Variants in RBFOX1 observed in about 807,000 individuals in gnomAD.
RBFOX1 encodes the protein RNA binding protein fox-1 homolog 1.
Under a neutral mutation model 57.7 loss-of-function variants are expected in RBFOX1, and 8 were observed. The ratio of observed to expected loss-of-function variants is 0.14; its 90% CI spans 0.08 to 0.25. The LOEUF is 0.25. Ranked by LOEUF, RBFOX1 falls within the 10% of genes least tolerant of loss-of-function variation. The pLI is 1.00. For synonymous variants in RBFOX1, 326 were observed against 222.4 expected (o/e 1.47, Z -4.15); for missense variants, 611 against 548.5 (o/e 1.11, Z -1.14).
At chr16:6,118,793 CT>C (rs1047167662) in intron 1 of RBFOX1, among the ~76,000 whole-genome samples, 6 of 147,002 alleles carry the variant, frequency 4.1e-5, no homozygotes, top group African/African-American at 1.6e-4. Context: ...CTCTTTCTCT[CT>C]CTCCTTCCTT....
intron 4 of RBFOX1, among the ~76,000 whole-genome samples, chr16:7,444,695 C>A (rs2098795072): frequency 6.6e-6 from 1 of 152,078 alleles, no homozygotes; most frequent in Admixed American, 6.5e-5. Flanking sequence ...CCACACCTGG[C>A]TAATTTTTAC....
intron 1 of RBFOX1, among the ~76,000 whole-genome samples, chr16:6,155,676 G>A (rs745422458): frequency 6.6e-6 from 1 of 152,112 alleles, no homozygotes; most frequent in Non-Finnish European, 1.5e-5. Context: ...TCTTAACTCC[G>A]AGTACAATGA....
intron 4 of RBFOX1, among the ~76,000 whole-genome samples, chr16:7,356,022 A>C (rs533269768): frequency 6.6e-6 from 1 of 152,226 alleles, no homozygotes; most frequent in African/African-American, 2.4e-5. Context: ...GGTTTGAAAA[A>C]TGAAGAAGCA....
intron 3 of RBFOX1, among the ~76,000 whole-genome samples, chr16:5,780,528 G>C (rs1319119306): frequency 6.6e-6 from 1 of 152,008 alleles, no homozygotes; most frequent in Non-Finnish European, 1.5e-5. Context: ...GTGTGTATTT[G>C]TCAATTTAAA....
At chr16:6,331,666 C>T (rs1160483077) in intron 2 of RBFOX1, among the ~76,000 whole-genome samples, 1 of 150,552 alleles carries the variant, frequency 6.6e-6, no homozygotes, top group Non-Finnish European at 1.5e-5. Flanking sequence ...TTCAGTGTTG[C>T]ATAAATCTCA....
chr16:6,875,920 C>T (rs987749187), intron 3 of RBFOX1, among the ~76,000 whole-genome samples: 8 of 152,094 alleles, frequency 5.3e-5, no homozygotes, highest in Non-Finnish European at 7.4e-5. Context: ...ATCACTTGAG[C>T]CGGGGAGGTG....
intron 3 of RBFOX1, among the ~76,000 whole-genome samples, chr16:6,898,115 A>G (rs1469094390): frequency 1.3e-5 from 2 of 152,222 alleles, no homozygotes; most frequent in Admixed American, 6.5e-5. Context: ...ATTCCACACC[A>G]TATTCAGGAC....
chr16:6,998,447 C>A (rs2092457754), intron 3 of RBFOX1, among the ~76,000 whole-genome samples: 1 of 152,046 alleles, frequency 6.6e-6, no homozygotes, highest in Non-Finnish European at 1.5e-5. Context: ...GGGATGGGGG[C>A]AGTTGTGTTA....
At chr16:6,020,325 C>T (rs2095044787) in intron 1 of RBFOX1, among the ~76,000 whole-genome samples, 1 of 152,106 alleles carries the variant, frequency 6.6e-6, no homozygotes, top group South Asian at 2.1e-4. Flanking sequence ...GGGAGCCTGC[C>T]TGCGCACTTT....
chr16:6,885,463 G>A (rs2153354753), intron 3 of RBFOX1, among the ~76,000 whole-genome samples: 1 of 152,308 alleles, frequency 6.6e-6, no homozygotes, highest in East Asian at 1.9e-4. Context: ...TCGTAACAGT[G>A]ATTCCTGGAG....
chr16:5,942,418 G>C (rs530202597), intron 4 of RBFOX1, among the ~76,000 whole-genome samples: 2 of 152,270 alleles, frequency 1.3e-5, no homozygotes, highest in East Asian at 3.9e-4. Flanking sequence ...GAATCATTTG[G>C]TTGTCAGAAA....
intron 3 of RBFOX1, among the ~76,000 whole-genome samples, chr16:6,861,822 G>GGT (rs1555540803): frequency 4.6e-5 from 3 of 65,562 alleles, no homozygotes; most frequent in Non-Finnish European, 8.3e-5. Flanking sequence ...AGCGTCCCTT[G>GGT]GTTTTTTTTT....
At chr16:6,877,347 G>T (rs963656041) in intron 3 of RBFOX1, among the ~76,000 whole-genome samples, 4 of 152,080 alleles carry the variant, frequency 2.6e-5, no homozygotes, top group African/African-American at 9.7e-5. Context: ...CTTCCCTTTA[G>T]CAGAACACAA....
chr16:6,961,145 C>CACACACACACA lies in RBFOX1; in HGVS notation c.-15-90912_-15-90911insACACACACACA, dbSNP rs142889433. On this transcript the variant is annotated intron_variant, in intron 3 of 15. Transcript: ENST00000550418. The stretch of plus-strand genomic sequence containing the variant: ...GCAATAGAGACTCCATCACACACAC[C>CACACACACACA]CACACAGACACACACACGCAAAAGA... Among the ~76,000 whole-genome samples, 407 of 143,766 alleles carry CACACACACACA rather than the reference C, an allele frequency of 2.8e-3. 4 individuals carry two copies. The highest frequency in any genetic ancestry group is 9.2e-3 in the African/African-American group (353 of 38,532). The allele number at this position is 143,766 out of a possible 152,430, so 94.3% of individuals were successfully genotyped here.
At chr16:7,431,372 C>T (rs750164827) in intron 4 of RBFOX1, 1 of 151,530 alleles carries the variant, frequency 6.6e-6, no homozygotes, top group Non-Finnish European at 1.5e-5. Flanking sequence ...GGCTACAGGT[C>T]TGCACCAACA....
At chr16:7,311,039 T>A (rs934871093) in intron 4 of RBFOX1, among the ~76,000 whole-genome samples, 6 of 152,226 alleles carry the variant, frequency 3.9e-5, no homozygotes, top group African/African-American at 1.4e-4. Flanking sequence ...TGACCCAATT[T>A]GCAAGGGGCA....
intron 4 of RBFOX1, among the ~76,000 whole-genome samples, chr16:7,471,930 G>A (rs1425350935): frequency 1.3e-5 from 2 of 152,074 alleles, no homozygotes; most frequent in African/African-American, 4.8e-5. Flanking sequence ...TGTCAGCACC[G>A]TTCAACACGG....
intron 4 of RBFOX1, among the ~76,000 whole-genome samples, chr16:7,382,130 G>C (rs1306511959): frequency 1.3e-5 from 2 of 152,090 alleles, no homozygotes; most frequent in Admixed American, 6.5e-5. Flanking sequence ...TATTTGAGTA[G>C]GGACTAATTA....
chr16:6,818,441 A>T (rs1401323372), intron 3 of RBFOX1, among the ~76,000 whole-genome samples: 1 of 152,198 alleles, frequency 6.6e-6, no homozygotes, highest in Non-Finnish European at 1.5e-5. Flanking sequence ...AAAGAAAAAA[A>T]AAATATTATT....
Sources: gnomAD v4.1 joint callset for allele counts (sites outside exome capture counted in the v4.1 genomes callset) on GRCh38, gnomAD v4.1.1 for gene constraint, MANE v1.5 for transcripts, NCBI Gene and HGNC (gene_info 2026-07-23, HGNC 2026-07-21) for gene names.